NFKBID: variants seen among roughly 807,000 people sequenced by gnomAD.
The protein encoded by NFKBID is NFKB inhibitor delta.
In NFKBID, 26 loss-of-function variants were observed where a neutral mutation model predicts 53.4. The ratio of observed to expected loss-of-function variants is 0.49; its 90% confidence interval spans 0.36 to 0.68. The LOEUF is 0.68. Ranked by LOEUF, NFKBID falls within the 30% of genes least tolerant of loss-of-function variation. The pLI, the probability that NFKBID is intolerant of heterozygous loss-of-function variation, is 0.00. For missense variants in NFKBID, 493 were observed against 614.1 expected (o/e 0.80, Z 2.08); for synonymous variants, 262 against 259.8 (o/e 1.01, Z -0.08).
At chr19:35,893,760 C>T (rs1246034849) in intron 9 of NFKBID, among the ~76,000 whole-genome samples, 2 of 149,092 alleles carry the variant, frequency 1.3e-5, no homozygotes, top group Admixed American at 6.8e-5. Flanking sequence ...GCGGAGCTTA[C>T]AGTGAGCCGA....
chr19:35,890,327 C>T (rs761578514), intron 10 of NFKBID, 47 bp downstream of exon 10: 6 of 1,331,024 alleles, frequency 4.5e-6, no homozygotes, highest in Non-Finnish European at 6.5e-6. Flanking sequence ...CCACTGCCCC[C>T]CCTACCGTAC....
downstream of NFKBID, chr19:35,888,113 G>A (rs1974517235): frequency 6.2e-6 from 1 of 161,494 alleles, no homozygotes; most frequent in Non-Finnish European, 1.4e-5. Flanking sequence ...TCCTGTCTCA[G>A]GGTGAGGACC....
chr19:35,891,553 C>T (rs1291030153), intron 9 of NFKBID, among the ~76,000 whole-genome samples: 1 of 152,010 alleles, frequency 6.6e-6, no homozygotes, highest in African/African-American at 2.4e-5. Context: ...AAAGACAGAG[C>T]AATGATACTG....
chr19:35,896,074 G>T lies in NFKBID; in HGVS notation c.938C>A (p.Ser313Tyr). 1 of 1,614,228 alleles carries T rather than the reference G, an allele frequency of 6.2e-7. No homozygotes were observed. The highest frequency in any genetic ancestry group is 8.5e-7 in the Non-Finnish European group (1 of 1,180,020). Residue 313 changes from serine (S) to tyrosine (Y), a missense_variant, in exon 9 of 12, where the codon TCC becomes TAC. By Grantham distance (144) the Ser-to-Tyr change is moderately radical (BLOSUM62 -2). This residue lies in a region of NFKBID where 267 missense variants were observed against 384.6 expected (regional missense o/e 0.69). Transcript: ENST00000641389. This position sits in a 1 kb window ranked among gnomAD's most constrained non-coding sequence, Gnocchi z 5.7. ...GCTCAGCACCCGGGGACAGAGGTCG[G>T]AAGGGCGCATAGCAACGTTAAGGGC...
chr19:35,901,381 T>G (rs181192222), upstream of NFKBID, among the ~76,000 whole-genome samples: 34 of 152,162 alleles, frequency 2.2e-4, 1 homozygote, highest in East Asian at 4.6e-3. Flanking sequence ...CTGGTTTCAT[T>G]TACTCATTCA....
intron 10 of NFKBID, 87 bp from the exon 11 acceptor site, chr19:35,890,141 G>A (rs1007378134): frequency 2.7e-5 from 37 of 1,350,420 alleles, no homozygotes; most frequent in East Asian, 2.0e-4. Context: ...CCTTGTCTAC[G>A]TCCTACACTT....
exon 12 of NFKBID, chr19:35,888,462 C>T (rs1001481358): frequency 1.1e-6 from 1 of 886,056 alleles, no homozygotes; most frequent in Non-Finnish European, 1.8e-6. Context: ...GCAGGATATT[C>T]CACATACATT....
intron 9 of NFKBID, among the ~76,000 whole-genome samples, chr19:35,895,001 A>G (rs997830625): frequency 1.3e-5 from 2 of 150,128 alleles, no homozygotes; most frequent in African/African-American, 4.9e-5. Flanking sequence ...CTCAAAAAGA[A>G]AAAAAAAAAG....
At position 35,896,985 on chromosome 19, in the gene NFKBID, A is replaced by C. The variant is rs1332654767; in HGVS notation, c.506T>G (p.Leu169Arg). 9 of 1,608,942 alleles carry C rather than the reference A, an allele frequency of 5.6e-6. No homozygotes were observed. Among genetic ancestry groups the C allele is most frequent in the Non-Finnish European group, 7.6e-6 (9 of 1,178,222 alleles). The change falls in exon 5 of 12, where the codon CTG becomes CGG. Residue 169 changes from leucine to arginine, a missense_variant. Transcript: ENST00000641389. The surrounding 1 kb of genome is among the most constrained non-coding windows in gnomAD (Gnocchi z 5.7). ...CAGCATGTGAGCTCGGGCCACCTCC[A>C]GCGATGGTCCAGGGACCACAGCGGG... is the stretch of plus-strand genomic sequence containing the variant.
At chr19:35,897,433 T>C in intron 4 of NFKBID, 1 of 587,670 alleles carries the variant, frequency 1.7e-6, no homozygotes, top group Non-Finnish European at 3.0e-6. Flanking sequence ...TTTTTTATTT[T>C]TGGTTTCACC....
chr19:35,891,640 G>A (rs1008542760), intron 9 of NFKBID, among the ~76,000 whole-genome samples: 14 of 152,110 alleles, frequency 9.2e-5, no homozygotes, highest in African/African-American at 2.4e-5. Flanking sequence ...AGGCCAAGGA[G>A]GGCGGATCAC....
exon 5 of NFKBID, chr19:35,897,044 T>G: frequency 6.2e-7 from 1 of 1,602,496 alleles, no homozygotes; most frequent in Non-Finnish European, 8.5e-7. Flanking sequence ...GTGCAGAAAC[T>G]CTCCAGGGTC....
rs1363750076 is a variant in NFKBID at position 35,897,613 on chromosome 19, G to A, written c.432+38C>T. 3 of 1,040,422 alleles carry A rather than the reference G, an allele frequency of 2.9e-6. No individual in the cohort carries two copies. In the African/African-American group the frequency reaches 4.7e-5, roughly 16 times the overall value. 64.4% of individuals were successfully genotyped at this position (1,040,422 alleles called of 1,614,324 possible). On this transcript the variant is annotated intron_variant, in intron 4 of 11. Transcript: ENST00000641389. ...GCAGGAGTGCAACTGCGAATTTTTA[G>A]GGGCCCTTCAGCATCCTGTACCCAC...
At chr19:35,891,083 C>T (rs978237757) in intron 9 of NFKBID, among the ~76,000 whole-genome samples, 1 of 152,166 alleles carries the variant, frequency 6.6e-6, no homozygotes, top group African/African-American at 2.4e-5. Context: ...ACTGCCTTGG[C>T]TACCTGCCCT....
intron 11 of NFKBID, 48 bp downstream of exon 11, chr19:35,889,842 C>G: frequency 6.5e-7 from 1 of 1,548,794 alleles, no homozygotes; most frequent in Non-Finnish European, 8.8e-7. Context: ...TCATCCCGCG[C>G]CCGCGAGCTC....
chr19:35,897,654 C>T (rs373763712), exon 4 of NFKBID: 21 of 1,548,306 alleles, frequency 1.4e-5, no homozygotes, highest in Non-Finnish European at 1.9e-5. Flanking sequence ...ATCTCACCTC[C>T]ATGCCCTGGG....
At chr19:35,889,913 G>T (rs773657096) in exon 11 of NFKBID, 1 of 1,609,928 alleles carries the variant, frequency 6.2e-7, no homozygotes, top group Non-Finnish European at 8.5e-7. Flanking sequence ...GGCCCGGGCC[G>T]CAGCAGGTGA....
chr19:35,891,827 A>C (rs1350256496), intron 9 of NFKBID, among the ~76,000 whole-genome samples: 1 of 151,728 alleles, frequency 6.6e-6, no homozygotes, highest in Admixed American at 6.6e-5. Context: ...AAATCACACC[A>C]TTGCAATCCA....
intron 9 of NFKBID, among the ~76,000 whole-genome samples, chr19:35,895,306 C>T (rs1975059231): frequency 2.2e-5 from 3 of 138,440 alleles, no homozygotes; most frequent in South Asian, 4.5e-4. Flanking sequence ...TGAAAGCCCA[C>T]TTCTACTAAA....
Sources: gnomAD v4.1 joint callset for allele counts (sites outside exome capture counted in the v4.1 genomes callset) on GRCh38, gnomAD v4.1.1 for gene constraint, gnomAD v4.1.1 regional missense constraint, Gnocchi (gnomAD v3.1) non-coding constraint, MANE v1.5 for transcripts, NCBI Gene and HGNC (gene_info 2026-07-23, HGNC 2026-07-21) for gene names.